FBXL17: variants seen among roughly 807,000 people sequenced by gnomAD.
FBXL17 encodes F-box/LRR-repeat protein 17.
Under a neutral mutation model 66.2 loss-of-function variants are expected in FBXL17, and 22 were observed. The observed-to-expected ratio is 0.33, with a 90% CI of 0.24 to 0.47. The LOEUF is 0.47. Ranked by LOEUF, FBXL17 falls within the 20% of genes least tolerant of loss-of-function variation. The pLI, the probability that FBXL17 is intolerant of heterozygous loss-of-function variation, is 1.00. For synonymous variants in FBXL17, 474 were observed against 400.5 expected (o/e 1.18, Z -2.19); for missense variants, 878 against 948.2 (o/e 0.93, Z 0.97).
intron 6 of FBXL17, among the ~76,000 whole-genome samples, chr5:108,106,579 G>A (rs1428100487): frequency 6.6e-6 from 1 of 152,272 alleles, no homozygotes; most frequent in South Asian, 2.1e-4. Flanking sequence ...GTGTGAAAGT[G>A]AATACGTGCT....
chr5:108,326,358 C>A (rs1759852188), intron 4 of FBXL17, among the ~76,000 whole-genome samples: 2 of 151,616 alleles, frequency 1.3e-5, no homozygotes, highest in South Asian at 4.2e-4. Context: ...TTTGTGAGGC[C>A]AAGGCAGGCA....
intron 4 of FBXL17, among the ~76,000 whole-genome samples, chr5:108,234,260 C>G (rs1480792547): frequency 2.0e-5 from 3 of 152,056 alleles, no homozygotes; most frequent in African/African-American, 7.3e-5. Context: ...CTAGTTGCCA[C>G]CGGGTTGAAG....
At chr5:108,043,995 C>A (rs1052790033) in intron 6 of FBXL17, among the ~76,000 whole-genome samples, 1 of 152,162 alleles carries the variant, frequency 6.6e-6, no homozygotes, top group Non-Finnish European at 1.5e-5. Context: ...TGTCCACATG[C>A]TCATTGCTAG....
At position 108,151,969 on chromosome 5, in the gene FBXL17, T is replaced by G. The variant is rs73210826; in HGVS notation, c.1745+34148A>C. ...GCAGAAATCACAGCAAGTAAGAAAT[T>G]GTGGTCTCAACCTTCCCATTGTGGT... On this transcript the variant is annotated intron_variant, in intron 6 of 8. Coordinates refer to ENST00000542267, the MANE Select transcript of FBXL17 (RefSeq NM_001163315.3). Among the ~76,000 whole-genome samples the G allele has an allele frequency of 7.2e-3, 1,089 of 152,276 alleles. 17 individuals carry two copies. The highest frequency in any genetic ancestry group is 0.025 in the African/African-American group (1,034 of 41,564).
At chr5:108,262,070 A>ATTTTTTTT (rs200282593) in intron 4 of FBXL17, among the ~76,000 whole-genome samples, 2 of 138,932 alleles carry the variant, frequency 1.4e-5, no homozygotes, top group East Asian at 2.1e-4. Flanking sequence ...TTATTTATTT[A>ATTTTTTTT]TTTATTTATT....
intron 6 of FBXL17, among the ~76,000 whole-genome samples, chr5:108,139,954 C>A (rs868681939): frequency 1.3e-5 from 2 of 152,066 alleles, no homozygotes; most frequent in Admixed American, 1.3e-4. Flanking sequence ...TTGGCTCAGC[C>A]CCTAAACACG....
At chr5:108,284,215 G>T (rs1326582598) in intron 4 of FBXL17, among the ~76,000 whole-genome samples, 1 of 151,664 alleles carries the variant, frequency 6.6e-6, no homozygotes, top group Non-Finnish European at 1.5e-5. Flanking sequence ...AATCAAAAAA[G>T]ATATCTGCAT....
At chr5:108,326,598 A>T (rs1196707959) in intron 4 of FBXL17, among the ~76,000 whole-genome samples, 2 of 152,006 alleles carry the variant, frequency 1.3e-5, no homozygotes, top group East Asian at 3.9e-4. Flanking sequence ...GCGACAGAGC[A>T]AGACTCTGTC....
chr5:108,117,263 A>G (rs976982271), intron 6 of FBXL17, among the ~76,000 whole-genome samples: 1 of 152,232 alleles, frequency 6.6e-6, no homozygotes, highest in African/African-American at 2.4e-5. Context: ...CCAGAGATTG[A>G]GAGTGCTTGG....
intron 7 of FBXL17, among the ~76,000 whole-genome samples, chr5:108,010,495 G>A (rs1393979044): frequency 6.6e-6 from 1 of 152,130 alleles, no homozygotes; most frequent in Non-Finnish European, 1.5e-5. Context: ...TAATGAGAAG[G>A]CTGGACCTGT....
chr5:108,094,043 T>G (rs1251409354), intron 6 of FBXL17, among the ~76,000 whole-genome samples: 1 of 152,134 alleles, frequency 6.6e-6, no homozygotes, highest in African/African-American at 2.4e-5. Flanking sequence ...GGATTAAAAA[T>G]CAAAATCTGC....
At chr5:108,264,138 C>T (rs1386927699) in intron 4 of FBXL17, among the ~76,000 whole-genome samples, 7 of 143,458 alleles carry the variant, frequency 4.9e-5, no homozygotes, top group Non-Finnish European at 1.0e-4. Flanking sequence ...CTGCTGGAAC[C>T]CAGGAGGTGG....
At chr5:107,920,056 T>C (rs1229655653) in intron 7 of FBXL17, among the ~76,000 whole-genome samples, 1 of 152,186 alleles carries the variant, frequency 6.6e-6, no homozygotes, top group South Asian at 2.1e-4. Flanking sequence ...ACTTAAAACT[T>C]AAGCAAAACA....
At chr5:108,149,665 T>C (rs1751693622) in intron 6 of FBXL17, among the ~76,000 whole-genome samples, 1 of 152,238 alleles carries the variant, frequency 6.6e-6, no homozygotes, top group Admixed American at 6.5e-5. Flanking sequence ...CCAATCTTGG[T>C]ACTCTTAGTA....
At chr5:108,294,773 CA>C (rs990682568) in intron 4 of FBXL17, among the ~76,000 whole-genome samples, 5 of 151,826 alleles carry the variant, frequency 3.3e-5, no homozygotes, top group Non-Finnish European at 5.9e-5. Flanking sequence ...GTTAAAAAAA[CA>C]AAAAAATACA....
At chr5:108,341,268 A>T (rs1159100781) in intron 4 of FBXL17, among the ~76,000 whole-genome samples, 1 of 152,182 alleles carries the variant, frequency 6.6e-6, no homozygotes, top group Non-Finnish European at 1.5e-5. Context: ...ATTTAACCAT[A>T]TGTCACTAGA....
chr5:107,952,628 G>A (rs149777112), intron 7 of FBXL17, among the ~76,000 whole-genome samples: 190 of 152,212 alleles, frequency 1.2e-3, no homozygotes, highest in Non-Finnish European at 2.5e-3. Context: ...ACCCAATGAC[G>A]TTTTCAGTGG....
intron 7 of FBXL17, among the ~76,000 whole-genome samples, chr5:108,012,198 T>C (rs1479744451): frequency 6.6e-6 from 1 of 152,188 alleles, no homozygotes; most frequent in Non-Finnish European, 1.5e-5. Context: ...CTTTCATAAG[T>C]TAGTTATAAT....
chr5:108,016,200 G>C lies in FBXL17; in HGVS notation c.1822+4725C>G, dbSNP rs573702968. On this transcript the variant is annotated intron_variant, in intron 7 of 8. Coordinates refer to ENST00000542267, the MANE Select transcript of FBXL17 (RefSeq NM_001163315.3). ...TTGCCCAGAGCAATTCAAAAGTTTT[G>C]TCAAGCCACATGGTTATGTTAAAAA... 1.6e-3 allele frequency among the ~76,000 whole-genome samples: 245 copies of C among 152,258 alleles called. 2 individuals carry two copies. Among genetic ancestry groups the C allele is most frequent in the African/African-American group, 5.6e-3 (234 of 41,558 alleles).
Sources: gnomAD v4.1 joint callset for allele counts (sites outside exome capture counted in the v4.1 genomes callset) on GRCh38, gnomAD v4.1.1 for gene constraint, MANE v1.5 for transcripts, NCBI Gene and HGNC (gene_info 2026-07-23, HGNC 2026-07-21) for gene names.